SLCO5A1: variants seen among roughly 807,000 people sequenced by gnomAD.
The protein encoded by SLCO5A1 is organic anion transporter polypeptide-related protein 4.
In SLCO5A1, 39 loss-of-function variants were observed where a neutral mutation model predicts 65.1. That is an observed-to-expected ratio of 0.60 (90% CI 0.46 to 0.78). The LOEUF (loss-of-function observed/expected upper bound fraction) is 0.78. SLCO5A1 is among the 30% of genes least tolerant of loss of function. The pLI is 0.00. For synonymous variants in SLCO5A1, 438 were observed against 415.7 expected (o/e 1.05, Z -0.65); for missense variants, 1,029 against 1,069.4 (o/e 0.96, Z 0.53).
At chr8:69,816,158 G>T (rs952589817) in intron 2 of SLCO5A1, among the ~76,000 whole-genome samples, 1 of 152,036 alleles carries the variant, frequency 6.6e-6, no homozygotes, top group Non-Finnish European at 1.5e-5. Context: ...ATCACTATTG[G>T]CAATGCTTTA....
intron 2 of SLCO5A1, 40 bp from the exon 3 acceptor site, chr8:69,761,915 T>C: frequency 1.4e-5 from 22 of 1,606,516 alleles, no homozygotes; most frequent in Non-Finnish European, 1.9e-5. Context: ...ACAGCGACGT[T>C]TTATTACATG....
intron 5 of SLCO5A1, among the ~76,000 whole-genome samples, chr8:69,734,218 G>C (rs1386684780): frequency 6.6e-6 from 1 of 152,160 alleles, no homozygotes; most frequent in African/African-American, 2.4e-5. Flanking sequence ...TGCCTTTGGA[G>C]CTCTATTTCT....
chr8:69,717,074 G>A (rs1815582597), intron 5 of SLCO5A1, among the ~76,000 whole-genome samples: 1 of 152,038 alleles, frequency 6.6e-6, no homozygotes, highest in Admixed American at 6.6e-5. Flanking sequence ...CACCATGCCT[G>A]GCCCATTTTT....
intron 2 of SLCO5A1, among the ~76,000 whole-genome samples, chr8:69,822,871 G>T (rs780186313): frequency 6.6e-6 from 1 of 152,150 alleles, no homozygotes; most frequent in African/African-American, 2.4e-5. Context: ...TCTTTCTAAG[G>T]CATGGGGCCA....
intron 3 of SLCO5A1, among the ~76,000 whole-genome samples, chr8:69,757,447 G>C (rs1817583608): frequency 6.6e-6 from 1 of 152,122 alleles, no homozygotes; most frequent in Non-Finnish European, 1.5e-5. Flanking sequence ...CCAGCACCGA[G>C]ATGGGTGGAT....
intron 2 of SLCO5A1, among the ~76,000 whole-genome samples, chr8:69,805,932 A>G (rs1401537365): frequency 1.3e-5 from 2 of 152,248 alleles, no homozygotes; most frequent in African/African-American, 2.4e-5. Context: ...TTGAAAGGAA[A>G]CTCTTGTTTC....
In SLCO5A1 at chr8:69,831,999, T is replaced by C. The variant is rs930462148; in HGVS notation, c.675A>G (p.Gln225=). ...PHFISPPYQI[Q]ELNASAPNDG... ...CGTTGGGGGCCGAGGCGTTCAACTC[T>C]TGGATCTGGTAGGGGGGCGAGATGA... is the stretch of plus-strand genomic sequence containing the variant. Residue 225 remains glutamine (Q), a synonymous_variant, in exon 2 of 10, where the codon CAA becomes CAG. Transcript: ENST00000260126. The C allele has an allele frequency of 6.3e-7, 1 of 1,597,352 alleles. No homozygotes were observed. Among genetic ancestry groups the C allele is most frequent in the Non-Finnish European group, 8.5e-7 (1 of 1,172,398 alleles).
At chr8:69,807,717 G>A (rs1181715597) in intron 2 of SLCO5A1, among the ~76,000 whole-genome samples, 1 of 152,074 alleles carries the variant, frequency 6.6e-6, no homozygotes, top group Non-Finnish European at 1.5e-5. Flanking sequence ...TTGTTTGTTT[G>A]TTTTTTGAGA....
In SLCO5A1 at chr8:69,755,679, T is replaced by C. The variant is rs771493438; in HGVS notation, c.1041-38A>G. On this transcript the variant is annotated intron_variant, in intron 3 of 9. Transcript: ENST00000260126. ...AAAATGTGAATAGCATTTACGTCTT[T>C]TCTTTTGTGAGTGAGAACAAATTAG... The C allele has an allele frequency of 3.2e-6, 5 of 1,550,132 alleles. No individual in the cohort carries two copies. In the African/African-American group the frequency reaches 6.9e-5, roughly 21 times the overall value.
At chr8:69,752,298 A>C (rs1471764650) in intron 4 of SLCO5A1, among the ~76,000 whole-genome samples, 1 of 152,176 alleles carries the variant, frequency 6.6e-6, no homozygotes, top group Non-Finnish European at 1.5e-5. Context: ...AGAAAATAGA[A>C]GGGAAAAAAG....
chr8:69,795,659 A>T (rs1433259282), intron 2 of SLCO5A1, among the ~76,000 whole-genome samples: 1 of 152,182 alleles, frequency 6.6e-6, no homozygotes, highest in Admixed American at 6.5e-5. Flanking sequence ...CAGTGGATCC[A>T]CTATTCTGGG....
In SLCO5A1 at chr8:69,832,470, G is replaced by A. The variant is rs1821210850; in HGVS notation, c.204C>T (p.Gly68=). 1 of 1,612,814 alleles carries A rather than the reference G, an allele frequency of 6.2e-7. No homozygotes were observed. Among genetic ancestry groups the A allele is most frequent in the South Asian group, 1.1e-5 (1 of 90,854 alleles). ...NPAFGCVDSS[G]HQELKQGPNP... ...TCGGGCCTTGCTTCAACTCCTGGTG[G>A]CCCGAAGAATCCACACAGCCAAAGG... The change falls in exon 2 of 10, where the codon GGC becomes GGT. Residue 68 remains glycine, a synonymous_variant. Transcript: ENST00000260126. The surrounding 1 kb of genome is among the most constrained non-coding windows in gnomAD (Gnocchi z 4.5).
chr8:69,804,387 C>T (rs1819897229), intron 2 of SLCO5A1, among the ~76,000 whole-genome samples: 1 of 152,170 alleles, frequency 6.6e-6, no homozygotes, highest in African/African-American at 2.4e-5. Context: ...AATCTCGGCT[C>T]ACTGCAACCT....
At chr8:69,834,525 C>G (rs1821331759) in intron 1 of SLCO5A1, among the ~76,000 whole-genome samples, 1 of 152,164 alleles carries the variant, frequency 6.6e-6, no homozygotes, top group Non-Finnish European at 1.5e-5. Flanking sequence ...AGGCGCCTTC[C>G]CGGGGAACCC....
intron 5 of SLCO5A1, among the ~76,000 whole-genome samples, chr8:69,711,412 G>A (rs1815250969): frequency 1.3e-5 from 2 of 152,160 alleles, no homozygotes; most frequent in South Asian, 4.1e-4. Flanking sequence ...GCCCTCTAAT[G>A]GCCAAGACCT....
rs1190932160 is a variant in SLCO5A1, at chr8:69,671,521, T to C, written c.*1348A>G. On this transcript the variant is annotated 3_prime_UTR_variant, in exon 10 of 10. Coordinates refer to ENST00000260126, the MANE Select transcript of SLCO5A1 (RefSeq NM_030958.3). ...CAGGAAGCATCTATCTTAAGAGCCA[T>C]GTAGAAAGCATTCTCTATGATGCTT... is the stretch of plus-strand genomic sequence containing the variant. 3.9e-5 allele frequency: 6 copies of C among 152,188 alleles called. No individual in the cohort carries two copies. Among genetic ancestry groups the C allele is most frequent in the African/African-American group, 9.6e-5 (4 of 41,452 alleles). 9.4% of individuals were successfully genotyped at this position (152,188 alleles called of 1,614,324 possible).
At chr8:69,831,339 C>T (rs946316116) in intron 2 of SLCO5A1, among the ~76,000 whole-genome samples, 6 of 151,916 alleles carry the variant, frequency 3.9e-5, no homozygotes, top group African/African-American at 1.5e-4. Context: ...GCCACGCCAC[C>T]ATCCCTGCTG....
intron 2 of SLCO5A1, among the ~76,000 whole-genome samples, chr8:69,782,575 G>A (rs1818841573): frequency 8.5e-6 from 1 of 117,030 alleles, no homozygotes; most frequent in Non-Finnish European, 1.7e-5. Context: ...GCAAGACCCT[G>A]TCTCAAAAAA....
chr8:69,779,162 T>C (rs1017657921), intron 2 of SLCO5A1, among the ~76,000 whole-genome samples: 1 of 152,186 alleles, frequency 6.6e-6, no homozygotes, highest in African/African-American at 2.4e-5. Flanking sequence ...ACCGTGGCAG[T>C]CTTTTATTAA....
Sources: allele counts gnomAD v4.1 joint callset (sites outside exome capture counted in the v4.1 genomes callset), GRCh38; gene constraint gnomAD v4.1.1; non-coding constraint Gnocchi (gnomAD v3.1); transcripts MANE v1.5; gene names NCBI Gene and HGNC (gene_info 2026-07-23, HGNC 2026-07-21).